Variants in EIF2B1 observed in about 807,000 individuals in gnomAD.
EIF2B1 encodes eukaryotic translation initiation factor 2B subunit alpha.
In EIF2B1, 30 loss-of-function variants were observed where a neutral mutation model predicts 36.8. The ratio of observed to expected loss-of-function variants is 0.81; its 90% CI spans 0.61 to 1.10. The LOEUF (loss-of-function observed/expected upper bound fraction) is 1.10. Ranked by LOEUF, EIF2B1 falls within the 50% of genes least tolerant of loss-of-function variation. The pLI is 0.00. For missense variants in EIF2B1, 271 were observed against 374.8 expected (o/e 0.72, Z 2.29); for synonymous variants, 139 against 142.2 (o/e 0.98, Z 0.16).
At chr12:123,627,246 A>C in intron 4 of EIF2B1, 90 bp from the exon 5 acceptor site, 1 of 962,616 alleles carries the variant, frequency 1.0e-6, no homozygotes, top group Non-Finnish European at 1.7e-6. Context: ...CGACACCCTA[A>C]GCATCTCTGT....
At chr12:123,622,089 A>G (rs1258102444) in intron 8 of EIF2B1, among the ~76,000 whole-genome samples, 169 bp from the exon 9 acceptor site, 1 of 152,218 alleles carries the variant, frequency 6.6e-6, no homozygotes, top group Non-Finnish European at 1.5e-5. Flanking sequence ...GCCATGAGCC[A>G]GATCATGGCA....
In EIF2B1 at chr12:123,627,102, C is replaced by G; in HGVS notation, c.424G>C (p.Val142Leu). 1 of 1,614,200 alleles carries G rather than the reference C, an allele frequency of 6.2e-7. No homozygotes were observed. The highest frequency in any genetic ancestry group is 2.2e-5 in the East Asian group (1 of 44,890). ...ACACTAAATCGCTTCTTGGCCGCCA[C>G]GGCTGCTTCCAGGACTCTCAGGACC... ...RVVLRVLEAAVAAKKRFSVYV... is the reference protein window; with the variant it reads ...RVVLRVLEAALAAKKRFSVYV... The change falls in exon 5 of 9, where the codon GTG becomes CTG. Residue 142 changes from valine (V) to leucine (L), a missense_variant. Transcript: ENST00000424014.
In EIF2B1 at chr12:123,630,230, C is replaced by G; in HGVS notation, c.308G>C (p.Arg103Thr). Residue 103 changes from arginine (R) to threonine (T), a missense_variant, in exon 4 of 9, where the codon AGA becomes ACA. Arg to Thr is a moderately conservative substitution (Grantham distance 71). Transcript: ENST00000424014. The surrounding 1 kb of genome is among the most constrained non-coding windows in gnomAD (Gnocchi z 4.6). Reference protein sequence around the residue: ...MIERGELFLRRISLSRNKIAD... With the variant: ...MIERGELFLRTISLSRNKIAD... Reference sequence around the variant, plus strand: ...AATTTTGTTTCTTGACAGTGATATTCTCCTGAGAAAAAGTTCTCCCCGCTC... The same window carrying G: ...AATTTTGTTTCTTGACAGTGATATTGTCCTGAGAAAAAGTTCTCCCCGCTC... 10 of 1,614,080 alleles carry G rather than the reference C, an allele frequency of 6.2e-6. No homozygotes were observed. Among genetic ancestry groups the G allele is most frequent in the Non-Finnish European group, 8.5e-6 (10 of 1,180,012 alleles).
intron 5 of EIF2B1, 44 bp from the exon 6 acceptor site, chr12:123,626,537 T>C (rs1249973167): frequency 3.7e-6 from 6 of 1,604,676 alleles, no homozygotes; most frequent in Non-Finnish European, 5.1e-6. Context: ...TACAAGACAG[T>C]ACCACAGTGA....
chr12:123,630,243 G>C lies in EIF2B1; in HGVS notation c.295C>G (p.Leu99Val). 3.7e-6 allele frequency: 6 copies of C among 1,614,094 alleles called. No individual in the cohort carries two copies. The highest frequency in any genetic ancestry group is 5.1e-6 in the Non-Finnish European group (6 of 1,180,034). Residue 99 changes from leucine to valine, a missense_variant, in exon 4 of 9, where the codon CTT becomes GTT. Transcript: ENST00000424014. This position sits in a 1 kb window ranked among gnomAD's most constrained non-coding sequence, Gnocchi z 4.6. ...CKKIMIERGE[L>V]FLRRISLSRN... ...GACAGTGATATTCTCCTGAGAAAAA[G>C]TTCTCCCCGCTCAATCATGATCTTT...
In EIF2B1 at chr12:123,620,627, T is replaced by TATA. The variant is rs1250251932; in HGVS notation, c.*1128_*1129insTAT. ...ATATATATATATATATATATATATATAAGCTCTTTTTTCTGAGGCTATTTT... is the reference window on the plus strand; with the variant it reads ...ATATATATATATATATATATATATATATAAAGCTCTTTTTTCTGAGGCTATTTT... On this transcript the variant is annotated 3_prime_UTR_variant, in exon 9 of 9. Coordinates refer to ENST00000424014, the MANE Select transcript of EIF2B1 (RefSeq NM_001414.4). 3 of 99,808 alleles carry TATA rather than the reference T, an allele frequency of 3.0e-5. No homozygotes were observed. Among genetic ancestry groups the TATA allele is most frequent in the East Asian group, 2.7e-4 (1 of 3,644 alleles). 6.2% of individuals were successfully genotyped at this position (99,808 alleles called of 1,614,324 possible). A position where few individuals can be genotyped will look rare whatever the true frequency, so the allele number is the denominator to read the frequency against.
In EIF2B1 at chr12:123,620,853, C is replaced by T. The variant is rs1955082643; in HGVS notation, c.*903G>A. The T allele has an allele frequency of 6.6e-6, 1 of 151,430 alleles. No individual in the cohort carries two copies. The highest frequency in any genetic ancestry group is 2.4e-5 in the African/African-American group (1 of 41,216). 9.4% of individuals were successfully genotyped at this position (151,430 alleles called of 1,614,324 possible). A position where few individuals can be genotyped will look rare whatever the true frequency, so the allele number is the denominator to read the frequency against. On this transcript the variant is annotated 3_prime_UTR_variant, in exon 9 of 9. Transcript: ENST00000424014. Reference sequence around the variant, plus strand: ...ACAGTATTGTTTTATTGGTGAATAGCTGAAAAACAGAGGGATTAAGTCATA... The same window carrying T: ...ACAGTATTGTTTTATTGGTGAATAGTTGAAAAACAGAGGGATTAAGTCATA...
At chr12:123,628,351 C>CTTTTTTTT (rs958119194) in intron 4 of EIF2B1, among the ~76,000 whole-genome samples, 3 of 74,954 alleles carry the variant, frequency 4.0e-5, no homozygotes, top group Admixed American at 1.5e-4. Flanking sequence ...CCCATAACCT[C>CTTTTTTTT]TTTTTTTTTT....
rs1421714621 is a variant in EIF2B1, at chr12:123,633,619, C to T, written c.-62G>A. On this transcript the variant is annotated 5_prime_UTR_variant, in exon 1 of 9. Transcript: ENST00000424014. ...CCGCCCGCGCTGTCTCGAACGGGTCCGCCGGCCGCGCCGCCTGCGAGCCAG... is the reference window on the plus strand; with the variant it reads ...CCGCCCGCGCTGTCTCGAACGGGTCTGCCGGCCGCGCCGCCTGCGAGCCAG... The T allele has an allele frequency of 1.1e-5, 17 of 1,597,122 alleles. No individual in the cohort carries two copies. Among genetic ancestry groups the T allele is most frequent in the Non-Finnish European group, 1.4e-5 (16 of 1,178,098 alleles).
intron 5 of EIF2B1, 200 bp from the exon 6 acceptor site, chr12:123,626,693 T>TA (rs1955151277): frequency 1.5e-6 from 1 of 680,496 alleles, no homozygotes; most frequent in Non-Finnish European, 2.6e-6. Flanking sequence ...ACTATACTCT[T>TA]AGACTCTGGG....
chr12:123,633,653 C>T lies in EIF2B1; in HGVS notation c.-96G>A, dbSNP rs1194085660. 2.6e-6 allele frequency: 4 copies of T among 1,567,736 alleles called. No individual in the cohort carries two copies. The highest frequency in any genetic ancestry group is 4.5e-5 in the East Asian group (2 of 44,682). ...CGCCGCCTGCGAGCCAGTCTGACAG[C>T]GCGCTGCACACCTCCGCACCCCACT... On this transcript the variant is annotated 5_prime_UTR_variant, in exon 1 of 9. Coordinates refer to ENST00000424014, the MANE Select transcript of EIF2B1 (RefSeq NM_001414.4).
chr12:123,624,022 G>A (rs1010778843), intron 7 of EIF2B1, among the ~76,000 whole-genome samples: 2 of 150,850 alleles, frequency 1.3e-5, no homozygotes, highest in Admixed American at 6.6e-5. Flanking sequence ...GGGCAACAGA[G>A]TGAATGTGTC....
At chr12:123,626,237 CTCTG>C in intron 6 of EIF2B1, 184 bp downstream of exon 6, 1 of 645,640 alleles carries the variant, frequency 1.5e-6, no homozygotes, top group African/African-American at 1.8e-5. Context: ...CATCCTACAG[CTCTG>C]TCTTCTTTGT....
intron 4 of EIF2B1, among the ~76,000 whole-genome samples, chr12:123,628,058 T>C (rs1338077592): frequency 6.6e-6 from 1 of 152,138 alleles, no homozygotes; most frequent in Non-Finnish European, 1.5e-5. Context: ...ACATAATCTG[T>C]TTTCTTTTCT....
At chr12:123,626,888 A>AT in intron 5 of EIF2B1, 156 bp downstream of exon 5, 2 of 753,936 alleles carry the variant, frequency 2.7e-6, no homozygotes, top group South Asian at 2.9e-5. Flanking sequence ...AAATTCAGTG[A>AT]TTTTTCTTCC....
In EIF2B1 at chr12:123,633,643, A is replaced by G. The variant is rs1486305877; in HGVS notation, c.-86T>C. 1.9e-6 allele frequency: 3 copies of G among 1,586,138 alleles called. No homozygotes were observed. Among genetic ancestry groups the G allele is most frequent in the Admixed American group, 1.7e-5 (1 of 59,804 alleles). On this transcript the variant is annotated 5_prime_UTR_variant, in exon 1 of 9. Transcript: ENST00000424014. ...CCGCCGGCCGCGCCGCCTGCGAGCC[A>G]GTCTGACAGCGCGCTGCACACCTCC...
At chr12:123,623,153 G>A (rs1348987460) in intron 7 of EIF2B1, among the ~76,000 whole-genome samples, 1 of 152,156 alleles carries the variant, frequency 6.6e-6, no homozygotes, top group African/African-American at 2.4e-5. Context: ...GGCCGAGGTG[G>A]GTGGATCACC....
chr12:123,622,850 C>T, intron 7 of EIF2B1, 89 bp from the exon 8 acceptor site: 1 of 1,589,046 alleles, frequency 6.3e-7, no homozygotes. Context: ...GTGGTGCATG[C>T]CTGTATTCCA....
chr12:123,624,849 T>C lies in EIF2B1; in HGVS notation c.565A>G (p.Lys189Glu), dbSNP rs761165037. 8.1e-6 allele frequency: 13 copies of C among 1,613,954 alleles called. No homozygotes were observed. Among genetic ancestry groups the C allele is most frequent in the African/African-American group, 1.3e-5 (1 of 74,894 alleles). ...GCACCAACTATGACAAGATCTGCTT[T>C]CTCCATGATGTAGCTAAGGGGAAAA... is the stretch of plus-strand genomic sequence containing the variant. The part of the protein sequence containing the change: ...LDAAVGYIME[K>E]ADLVIVGAEG... The change falls in exon 7 of 9, where the codon AAA becomes GAA. Residue 189 changes from lysine (K) to glutamate (E), a missense_variant. Coordinates refer to ENST00000424014, the MANE Select transcript of EIF2B1 (RefSeq NM_001414.4).
Sources: allele counts gnomAD v4.1 joint callset (sites outside exome capture counted in the v4.1 genomes callset), GRCh38; gene constraint gnomAD v4.1.1; non-coding constraint Gnocchi (gnomAD v3.1); transcripts MANE v1.5; gene names NCBI Gene and HGNC (gene_info 2026-07-23, HGNC 2026-07-21).